The following VPS35L variants were observed in gnomAD, a reference collection of about 807,000 sequenced individuals.
The protein encoded by VPS35L is VPS35 endosomal protein sorting factor like, also known as VPS35 endosomal protein-sorting factor-like.
VPS35L carries 83 observed loss-of-function variants against 133.0 expected under a neutral mutation model. The ratio of observed to expected loss-of-function variants is 0.62; its 90% confidence interval spans 0.52 to 0.75. VPS35L has a LOEUF of 0.75. VPS35L is among the 30% of genes least tolerant of loss of function. VPS35L has a pLI of 0.00. For missense variants in VPS35L, 1,083 were observed against 1,206.8 expected (o/e 0.90, Z 1.52); for synonymous variants, 423 against 449.9 (o/e 0.94, Z 0.76).
At chr16:19,660,342 TAAAG>T (rs897816863) in intron 26 of VPS35L, among the ~76,000 whole-genome samples, 6 of 150,068 alleles carry the variant, frequency 4.0e-5, no homozygotes, top group East Asian at 2.0e-4. Flanking sequence ...AAAAAAAAAA[TAAAG>T]AAGAAATAAT....
Position 19,601,664 on chromosome 16 carries a change from G to C in VPS35L, c.725G>C (p.Gly242Ala). 6.2e-7 allele frequency: 1 copy of C among 1,614,074 alleles called. No homozygotes were observed. Among genetic ancestry groups the C allele is most frequent in the Non-Finnish European group, 8.5e-7 (1 of 1,179,984 alleles). ...VLITDILDTF[G>A]KLVYERIFSM... ...ACACCATCTGTCCTTTTCCTCCCAG[G>C]AAAGCTCGTGTACGAGCGCATCTTT... Residue 242 changes from glycine (G) to alanine (A), a missense_variant and splice_region_variant, in exon 9 of 31, where the codon GGA (glycine) becomes GCA (alanine). Physicochemically the swap from Gly to Ala is moderately conservative, Grantham distance 60. Transcript: ENST00000417362.
chr16:19,694,867 G>A (rs529977277), intron 29 of VPS35L, among the ~76,000 whole-genome samples: 186 of 152,162 alleles, frequency 1.2e-3, no homozygotes, highest in Non-Finnish European at 2.3e-3. Context: ...TTAGCCGGGC[G>A]TGGTGGCACA....
At chr16:19,669,026 TCTG>T (rs1339107749) in intron 26 of VPS35L, 131 bp from the exon 27 acceptor site, 2 of 800,884 alleles carry the variant, frequency 2.5e-6, no homozygotes, top group Non-Finnish European at 3.7e-6. Context: ...GCAGAAACCT[TCTG>T]CTAGGACCTG....
intron 29 of VPS35L, among the ~76,000 whole-genome samples, chr16:19,696,972 G>C (rs1021266381): frequency 1.3e-5 from 2 of 152,196 alleles, no homozygotes; most frequent in Non-Finnish European, 2.9e-5. Context: ...TGTCAGACGA[G>C]GACCAGGTTA....
intron 29 of VPS35L, among the ~76,000 whole-genome samples, chr16:19,695,112 C>T (rs1446153356): frequency 6.6e-6 from 1 of 152,252 alleles, no homozygotes; most frequent in African/African-American, 2.4e-5. Flanking sequence ...CAGCCTTCCC[C>T]TGATTTCTTG....
chr16:19,698,345 C>T (rs982442805), intron 29 of VPS35L, among the ~76,000 whole-genome samples: 3 of 152,096 alleles, frequency 2.0e-5, no homozygotes, highest in Non-Finnish European at 4.4e-5. Context: ...TCCCTTCTTC[C>T]TCCTCTTTCC....
Position 19,573,197 on chromosome 16 carries a change from G to A in VPS35L, c.364G>A (p.Gly122Arg). The A allele has an allele frequency of 6.2e-7, 1 of 1,613,912 alleles. No individual in the cohort carries two copies. Among genetic ancestry groups the A allele is most frequent in the Non-Finnish European group, 8.5e-7 (1 of 1,179,904 alleles). The change falls in exon 4 of 31, where the codon GGA becomes AGA. Residue 122 changes from glycine to arginine, a missense_variant. Coordinates refer to ENST00000417362, the MANE Select transcript of VPS35L (RefSeq NM_020314.7). ...SDFEPWTNKR[G>R]EILARYTTTE... ...TTTTGAGCCTTGGACCAACAAACGG[G>A]GAGAAATCCTTGCCCGGTACACCAC...
intron 7 of VPS35L, chr16:19,587,347 A>G (rs2065504724): frequency 2.2e-6 from 1 of 453,510 alleles, no homozygotes; most frequent in African/African-American, 2.0e-5. Context: ...CAATTGACCA[A>G]GGCTGGGCGT....
chr16:19,591,662 C>T (rs1423691379), intron 7 of VPS35L, 128 bp from the exon 8 acceptor site: 4 of 652,272 alleles, frequency 6.1e-6, no homozygotes, highest in Non-Finnish European at 1.1e-5. Context: ...CTCAGCACCT[C>T]GCACAGGCCT....
chr16:19,626,889 AG>A (rs59626502), intron 15 of VPS35L, among the ~76,000 whole-genome samples: 9,311 of 152,158 alleles, frequency 0.061, 588 homozygotes, highest in African/African-American at 0.15. Flanking sequence ...CTTTCCTTTT[AG>A]TGGTAGATAC....
At chr16:19,570,406 C>T (rs1295894557) in intron 3 of VPS35L, among the ~76,000 whole-genome samples, 1 of 152,082 alleles carries the variant, frequency 6.6e-6, no homozygotes, top group African/African-American at 2.4e-5. Context: ...TCTTATAAAT[C>T]TTTTTACATA....
At chr16:19,663,618 T>C (rs1411684321) in intron 26 of VPS35L, among the ~76,000 whole-genome samples, 1 of 147,962 alleles carries the variant, frequency 6.8e-6, no homozygotes, top group African/African-American at 2.5e-5. Context: ...AGATCTGCCT[T>C]ATGCTCTTTA....
At chr16:19,681,886 T>C (rs1597431582) in intron 27 of VPS35L, among the ~76,000 whole-genome samples, 1 of 152,126 alleles carries the variant, frequency 6.6e-6, no homozygotes, top group Non-Finnish European at 1.5e-5. Context: ...CTTCCTTTTT[T>C]TTTAACTCCC....
intron 21 of VPS35L, 43 bp downstream of exon 21, chr16:19,640,143 C>G: frequency 6.5e-7 from 1 of 1,536,334 alleles, no homozygotes; most frequent in Non-Finnish European, 9.0e-7. Flanking sequence ...TTCCCAATGT[C>G]CTTGTGAAAC....
intron 29 of VPS35L, among the ~76,000 whole-genome samples, chr16:19,698,221 G>A (rs1359957845): frequency 2.0e-5 from 3 of 152,164 alleles, no homozygotes; most frequent in Non-Finnish European, 2.9e-5. Flanking sequence ...CATGGACTGA[G>A]ATCCTGTGTC....
At chr16:19,601,783 T>G in intron 9 of VPS35L, 60 bp downstream of exon 9, 1 of 1,540,076 alleles carries the variant, frequency 6.5e-7, no homozygotes, top group Non-Finnish European at 8.9e-7. Flanking sequence ...TAGAAGGCTT[T>G]TATTGAGTCA....
chr16:19,588,732 A>G (rs1243967534), intron 7 of VPS35L, among the ~76,000 whole-genome samples: 1 of 151,126 alleles, frequency 6.6e-6, no homozygotes, highest in African/African-American at 2.4e-5. Context: ...TACATGGACA[A>G]TGTCACTGTG....
chr16:19,646,519 G>A (rs1157336017), intron 23 of VPS35L, among the ~76,000 whole-genome samples: 1 of 152,044 alleles, frequency 6.6e-6, no homozygotes, highest in Non-Finnish European at 1.5e-5. Context: ...TACAAAATTA[G>A]CCGGGTGTTG....
At chr16:19,693,360 G>A (rs1001153697) in intron 29 of VPS35L, among the ~76,000 whole-genome samples, 4 of 152,122 alleles carry the variant, frequency 2.6e-5, no homozygotes, top group African/African-American at 9.7e-5. Context: ...GAAGGAACAG[G>A]CCAGGCACAA....
Sources: allele counts gnomAD v4.1 joint callset (sites outside exome capture counted in the v4.1 genomes callset), GRCh38; gene constraint gnomAD v4.1.1; transcripts MANE v1.5; gene names NCBI Gene and HGNC (gene_info 2026-07-23, HGNC 2026-07-21).